The following DENND5A variants were observed in gnomAD, a reference collection of about 807,000 sequenced individuals.
The protein encoded by DENND5A is DENN domain containing 5A.
Under a neutral mutation model 140.3 loss-of-function variants are expected in DENND5A, and 64 were observed. The observed-to-expected ratio is 0.46, with a 90% confidence interval of 0.37 to 0.56. The LOEUF (loss-of-function observed/expected upper bound fraction) is 0.56, where lower values mean the gene tolerates loss of function less well. Among genes scored for constraint, DENND5A ranks in the 20% least tolerant of loss-of-function variants. The probability of loss-of-function intolerance (pLI) is 0.00; values close to 1 mark genes in which losing one functional copy is unlikely to be tolerated. For missense variants in DENND5A, 1,292 were observed against 1,593.8 expected (o/e 0.81, Z 3.22); for synonymous variants, 605 against 607.7 (o/e 1.00, Z 0.07).
At chr11:9,229,591 C>A in intron 1 of DENND5A, among the ~76,000 whole-genome samples, 1 of 151,992 alleles carries the variant, frequency 6.6e-6, no homozygotes, top group East Asian at 1.9e-4. Flanking sequence ...CAAACATATA[C>A]CTCTCCCCCA....
At chr11:9,140,337 A>G in intron 22 of DENND5A, 2 of 611,516 alleles carry the variant, frequency 3.3e-6, no homozygotes, top group Non-Finnish European at 5.3e-6. Context: ...GTCCAAGATC[A>G]CATGGCTAGT....
chr11:9,173,112 C>T (rs1344651787), intron 8 of DENND5A, among the ~76,000 whole-genome samples: 1 of 151,960 alleles, frequency 6.6e-6, no homozygotes, highest in Non-Finnish European at 1.5e-5. Flanking sequence ...AGGAGTGAGC[C>T]ACCGCGCCTG....
chr11:9,178,100 G>A (rs1343845030), intron 8 of DENND5A, 32 bp downstream of exon 8: 1 of 1,411,634 alleles, frequency 7.1e-7, no homozygotes, highest in East Asian at 2.3e-5. Context: ...TAATCCAAGA[G>A]GCCTGAATGT....
intron 9 of DENND5A, chr11:9,170,185 G>T (rs1226405591): frequency 1.4e-6 from 1 of 730,002 alleles, no homozygotes; most frequent in Non-Finnish European, 1.7e-6. Flanking sequence ...ACAAACACTT[G>T]ACATATAGAT....
At chr11:9,197,651 C>T (rs1039536311) in intron 4 of DENND5A, among the ~76,000 whole-genome samples, 9 of 151,970 alleles carry the variant, frequency 5.9e-5, no homozygotes, top group South Asian at 2.1e-4. Flanking sequence ...GCTGAGATCG[C>T]GCCACTGCAC....
chr11:9,149,572 C>A (rs1847543198), intron 15 of DENND5A, among the ~76,000 whole-genome samples: 1 of 152,116 alleles, frequency 6.6e-6, no homozygotes, highest in African/African-American at 2.4e-5. Context: ...GAAAACTGAG[C>A]CCTGAAGAAG....
intron 1 of DENND5A, among the ~76,000 whole-genome samples, chr11:9,248,723 G>A (rs1851586164): frequency 1.3e-5 from 2 of 151,958 alleles, no homozygotes; most frequent in Non-Finnish European, 2.9e-5. Flanking sequence ...GTCCCCTTGG[G>A]TGGGCATTCA....
rs562168627 is a variant in DENND5A at position 9,251,619 on chromosome 11, T to C, written c.109+13342A>G. ...ATAAGACTCAGCCCAGGGTTCTACA[T>C]ACGCCAAATGAAAATCAGCAACCAC... On this transcript the variant is annotated intron_variant, in intron 1 of 22. Transcript: ENST00000328194. Among the ~76,000 whole-genome samples the C allele has an allele frequency of 1.6e-4, 25 of 152,292 alleles. 1 individual carries two copies. In the South Asian group the frequency reaches 5.0e-3, roughly 30 times the overall value.
At chr11:9,260,122 A>G (rs1852132172) in intron 1 of DENND5A, among the ~76,000 whole-genome samples, 1 of 151,314 alleles carries the variant, frequency 6.6e-6, no homozygotes, top group African/African-American at 2.4e-5. Flanking sequence ...TTTCCCATCT[A>G]TCCTTATCCC....
At chr11:9,159,318 T>C (rs1847903663) in intron 12 of DENND5A, among the ~76,000 whole-genome samples, 3 of 148,304 alleles carry the variant, frequency 2.0e-5, no homozygotes, top group Non-Finnish European at 4.5e-5. Flanking sequence ...TGAACTTTTT[T>C]TTCTTTTTTT....
At position 9,152,382 on chromosome 11, in the gene DENND5A, T is replaced by A; in HGVS notation, c.2497A>T (p.Thr833Ser). ...CCTGAGGTACTGAGGCTTCCTGATG[T>A]GAGTTTTCTCTGCCGGTTGTCCTGA... is the stretch of plus-strand genomic sequence containing the variant. The part of the protein sequence containing the change: ...HYQDNRQRKL[T>S]SGSLSTSGIL... Residue 833 changes from threonine to serine, a missense_variant, in exon 13 of 23, where the codon ACA becomes TCA. Thr to Ser is a moderately conservative substitution (Grantham distance 58). This residue lies in a region of DENND5A where 498 missense variants were observed against 689.7 expected (regional missense o/e 0.72). Coordinates refer to ENST00000328194, the MANE Select transcript of DENND5A (RefSeq NM_015213.4). 1 of 1,612,960 alleles carries A rather than the reference T, an allele frequency of 6.2e-7. No homozygotes were observed. The highest frequency in any genetic ancestry group is 8.5e-7 in the Non-Finnish European group (1 of 1,178,870).
rs779911552 is a variant in DENND5A, at chr11:9,203,738, C to G, written c.871G>C (p.Glu291Gln). ...AACACATTCTCCACCCCGAGCAGTT[C>G]AAAAACCTCTTTGACAGGAAAGTCA... is the stretch of plus-strand genomic sequence containing the variant. ...LFDFPVKEVF[E>Q]LLGVENVFQL... Residue 291 changes from glutamate to glutamine, a missense_variant, in exon 4 of 23, where the codon GAA (glutamate) becomes CAA (glutamine). Glu to Gln is a conservative substitution (Grantham distance 29, BLOSUM62 2). Transcript: ENST00000328194. The G allele has an allele frequency of 6.2e-7, 1 of 1,614,122 alleles. No homozygotes were observed. The highest frequency in any genetic ancestry group is 1.1e-5 in the South Asian group (1 of 91,056).
intron 1 of DENND5A, among the ~76,000 whole-genome samples, chr11:9,249,294 G>A (rs796587704): frequency 3.4e-4 from 52 of 151,754 alleles, no homozygotes; most frequent in African/African-American, 1.2e-3. Context: ...GTGTTGTAAC[G>A]AAAAAGCATG....
intron 1 of DENND5A, among the ~76,000 whole-genome samples, chr11:9,232,114 T>C (rs1440501946): frequency 6.6e-6 from 1 of 152,082 alleles, no homozygotes; most frequent in Non-Finnish European, 1.5e-5. Context: ...CCTAGGACTG[T>C]AGATCTAAAT....
intron 1 of DENND5A, among the ~76,000 whole-genome samples, chr11:9,211,308 C>A (rs1849869363): frequency 6.6e-6 from 1 of 152,186 alleles, no homozygotes; most frequent in South Asian, 2.1e-4. Context: ...CCTGGCTGAT[C>A]CCTGAAACAC....
At chr11:9,146,737 C>A in intron 16 of DENND5A, 1 of 263,684 alleles carries the variant, frequency 3.8e-6, no homozygotes. Context: ...ATCAGCTCAA[C>A]TGACTCCACT....
At chr11:9,207,888 T>C (rs1161479250) in intron 1 of DENND5A, among the ~76,000 whole-genome samples, 1 of 152,170 alleles carries the variant, frequency 6.6e-6, no homozygotes, top group Non-Finnish European at 1.5e-5. Flanking sequence ...CTAATTATCA[T>C]AATTCAGTTT....
At chr11:9,170,534 A>T in intron 9 of DENND5A, 93 bp downstream of exon 9, 1 of 1,467,402 alleles carries the variant, frequency 6.8e-7, no homozygotes, top group Admixed American at 2.0e-5. Flanking sequence ...AGAAAAGTAC[A>T]AGGTCTTCTA....
At chr11:9,151,664 G>A (rs1280396354) in intron 13 of DENND5A, among the ~76,000 whole-genome samples, 1 of 152,208 alleles carries the variant, frequency 6.6e-6, no homozygotes, top group African/African-American at 2.4e-5. Context: ...AAGGGGAGAT[G>A]CACCCAAGAA....
Sources: gnomAD v4.1 joint callset for allele counts (sites outside exome capture counted in the v4.1 genomes callset) on GRCh38, gnomAD v4.1.1 for gene constraint, gnomAD v4.1.1 regional missense constraint, MANE v1.5 for transcripts, NCBI Gene and HGNC (gene_info 2026-07-23, HGNC 2026-07-21) for gene names.